The following MAP4K3 variants were observed in gnomAD, a reference collection of about 807,000 sequenced individuals.
MAP4K3 encodes MAPK/ERK kinase kinase kinase 3.
In MAP4K3, 94 loss-of-function variants were observed where a neutral mutation model predicts 143.5. The ratio of observed to expected loss-of-function variants is 0.65; its 90% CI spans 0.55 to 0.78. The LOEUF (loss-of-function observed/expected upper bound fraction) is 0.78, where lower values mean the gene tolerates loss of function less well. Ranked by LOEUF, MAP4K3 falls within the 30% of genes least tolerant of loss-of-function variation. The pLI is 0.00. For synonymous variants in MAP4K3, 416 were observed against 347.2 expected (o/e 1.20, Z -2.20); for missense variants, 1,077 against 1,068.1 (o/e 1.01, Z -0.12).
chr2:39,399,080 T>C (rs959056152), intron 1 of MAP4K3, among the ~76,000 whole-genome samples: 2 of 144,390 alleles, frequency 1.4e-5, no homozygotes, highest in African/African-American at 2.6e-5. Flanking sequence ...CTGTGAAACA[T>C]AAACATCAGA....
intron 2 of MAP4K3, among the ~76,000 whole-genome samples, chr2:39,372,239 G>T (rs928111639): frequency 2.5e-4 from 38 of 150,898 alleles, no homozygotes; most frequent in African/African-American, 8.7e-4. Flanking sequence ...AAAAATGAAA[G>T]ATCTCTACAA....
chr2:39,293,112 A>G, intron 17 of MAP4K3, 118 bp downstream of exon 17: 2 of 782,734 alleles, frequency 2.6e-6, no homozygotes, highest in Non-Finnish European at 2.1e-6. Context: ...GCGAGACCCT[A>G]TCTCTATTAA....
chr2:39,336,471 C>CAAAAAAAAA (rs55780656), intron 6 of MAP4K3, among the ~76,000 whole-genome samples: 19 of 38,684 alleles, frequency 4.9e-4, no homozygotes, highest in African/African-American at 1.3e-3. Context: ...GACTCCATCT[C>CAAAAAAAAA]AAAAAAAAAA....
intron 1 of MAP4K3, among the ~76,000 whole-genome samples, chr2:39,421,416 G>C (rs1254826445): frequency 1.3e-5 from 1 of 79,730 alleles, no homozygotes; most frequent in African/African-American, 5.2e-5. Context: ...TTGCCATGTT[G>C]CCCACCCTGG....
At chr2:39,274,277 C>T (rs112913259) in intron 24 of MAP4K3, among the ~76,000 whole-genome samples, 6,596 of 148,952 alleles carry the variant, frequency 0.044, 161 homozygotes, top group South Asian at 0.053. Context: ...AGTGCAGTGG[C>T]GCGATCTCCG....
intron 1 of MAP4K3, among the ~76,000 whole-genome samples, chr2:39,379,972 A>C (rs1347091469): frequency 6.6e-6 from 1 of 152,130 alleles, no homozygotes; most frequent in Non-Finnish European, 1.5e-5. Context: ...TTAACAGAAA[A>C]ATTATGACAC....
intron 2 of MAP4K3, among the ~76,000 whole-genome samples, chr2:39,369,388 C>G (rs937491755): frequency 3.3e-5 from 5 of 151,878 alleles, no homozygotes; most frequent in Admixed American, 3.3e-4. Flanking sequence ...CTCAGCTGAT[C>G]TGCCCGCCTC....
At chr2:39,266,020 TG>T (rs1680747931) in intron 27 of MAP4K3, among the ~76,000 whole-genome samples, 1 of 152,264 alleles carries the variant, frequency 6.6e-6, no homozygotes, top group East Asian at 1.9e-4. Context: ...AATATTTAAA[TG>T]GCAGAGGAGG....
chr2:39,434,098 A>C (rs1333609403), intron 1 of MAP4K3, among the ~76,000 whole-genome samples: 1 of 152,180 alleles, frequency 6.6e-6, no homozygotes, highest in Non-Finnish European at 1.5e-5. Flanking sequence ...TCAAAATAAA[A>C]ATCTCCACCA....
chr2:39,323,495 T>G (rs963633928), intron 12 of MAP4K3: 1 of 152,210 alleles, frequency 6.6e-6, no homozygotes, highest in Admixed American at 6.5e-5. Context: ...TCAGTTACCA[T>G]AATTTAGTTA....
chr2:39,270,585 G>A (rs1024435931), intron 26 of MAP4K3, among the ~76,000 whole-genome samples: 11 of 152,322 alleles, frequency 7.2e-5, no homozygotes, highest in South Asian at 2.1e-4. Context: ...TCCAGTTACA[G>A]CTGAATATAC....
At chr2:39,417,558 T>C (rs1352498518) in intron 1 of MAP4K3, among the ~76,000 whole-genome samples, 3 of 152,138 alleles carry the variant, frequency 2.0e-5, no homozygotes, top group Non-Finnish European at 2.9e-5. Flanking sequence ...AAACTACAGA[T>C]AAACAATGGG....
intron 1 of MAP4K3, among the ~76,000 whole-genome samples, chr2:39,381,050 T>C (rs1031292481): frequency 6.6e-6 from 1 of 152,242 alleles, no homozygotes; most frequent in Non-Finnish European, 1.5e-5. Flanking sequence ...AAATATTTCA[T>C]GTAAATGGGA....
intron 12 of MAP4K3, 105 bp downstream of exon 12, chr2:39,325,413 A>G: frequency 1.1e-5 from 7 of 623,082 alleles, no homozygotes; most frequent in Non-Finnish European, 1.6e-5. Context: ...TATTTAAACT[A>G]GGCCCCAAAA....
At chr2:39,263,179 T>A (rs946966378) in intron 28 of MAP4K3, among the ~76,000 whole-genome samples, 1 of 152,166 alleles carries the variant, frequency 6.6e-6, no homozygotes, top group African/African-American at 2.4e-5. Context: ...TAACAATGTT[T>A]TTGAATACAT....
At chr2:39,269,261 T>C (rs978277323) in intron 26 of MAP4K3, among the ~76,000 whole-genome samples, 3 of 151,960 alleles carry the variant, frequency 2.0e-5, no homozygotes, top group African/African-American at 7.2e-5. Context: ...AGCATAAATA[T>C]AATATTAAAA....
At chr2:39,425,344 A>T (rs6544226) in intron 1 of MAP4K3, among the ~76,000 whole-genome samples, 2 of 152,080 alleles carry the variant, frequency 1.3e-5, no homozygotes, top group African/African-American at 4.8e-5. Context: ...AGAATAACAC[A>T]TATCTAGGAA....
At chr2:39,342,589 T>A (rs1665175129) in intron 4 of MAP4K3, among the ~76,000 whole-genome samples, 1 of 152,224 alleles carries the variant, frequency 6.6e-6, no homozygotes. Context: ...TGTCAATCTT[T>A]ATGTTAAGTA....
At chr2:39,434,453 T>C (rs1332857504) in intron 1 of MAP4K3, among the ~76,000 whole-genome samples, 1 of 152,178 alleles carries the variant, frequency 6.6e-6, no homozygotes, top group African/African-American at 2.4e-5. Context: ...GCATCTATTA[T>C]CTGATATCCA....
Sources: allele counts gnomAD v4.1 joint callset (sites outside exome capture counted in the v4.1 genomes callset), GRCh38; gene constraint gnomAD v4.1.1; transcripts MANE v1.5; gene names NCBI Gene and HGNC (gene_info 2026-07-23, HGNC 2026-07-21).